CSMD1: variants seen among roughly 807,000 people sequenced by gnomAD.
CSMD1 encodes the protein CUB and sushi domain-containing protein 1.
CSMD1 carries 213 observed loss-of-function variants against 417.5 expected under a neutral mutation model. The observed-to-expected ratio is 0.51, with a 90% CI of 0.46 to 0.57. CSMD1 has a LOEUF of 0.57. Among genes scored for constraint, CSMD1 ranks in the 20% least tolerant of loss-of-function variants. CSMD1 has a pLI of 0.00. For missense variants in CSMD1, 6,923 were observed against 4,529.7 expected, an observed-to-expected ratio of 1.53 and a Z score of -15.17; for synonymous variants, 2,862 against 1,736.8, an observed-to-expected ratio of 1.65 and a Z score of -16.11.
At chr8:3,317,424 C>G (rs1020890392) in intron 23 of CSMD1, among the ~76,000 whole-genome samples, 1 of 152,190 alleles carries the variant, frequency 6.6e-6, no homozygotes, top group Non-Finnish European at 1.5e-5. Flanking sequence ...AACATTGACA[C>G]TCAATCACAC....
chr8:2,954,642 C>T (rs1019084794), intron 64 of CSMD1, among the ~76,000 whole-genome samples: 7 of 152,190 alleles, frequency 4.6e-5, no homozygotes, highest in Admixed American at 2.0e-4. Context: ...AGTCCCTCTT[C>T]ATTGACCAAT....
rs189668548 is a variant in CSMD1, at chr8:4,673,839, C to T, written c.86-36281G>A. Among the ~76,000 whole-genome samples the T allele has an allele frequency of 1.2e-4, 18 of 152,172 alleles. No individual in the cohort carries two copies. The East Asian group carries it at 3.3e-3, about 28-fold the overall frequency. ...CACAGAGACTAAAAGCAATTGAGTG[C>T]TTGCCAGGGACTGCCCGTGATGGAA... On this transcript the variant is annotated intron_variant, in intron 1 of 69. Coordinates refer to ENST00000635120, the MANE Select transcript of CSMD1 (RefSeq NM_033225.6).
At chr8:4,560,586 A>G (rs1255168966) in intron 2 of CSMD1, among the ~76,000 whole-genome samples, 2 of 152,226 alleles carry the variant, frequency 1.3e-5, no homozygotes, top group African/African-American at 4.8e-5. Context: ...CTGGAGCGGT[A>G]TGGCAGAGCC....
intron 41 of CSMD1, among the ~76,000 whole-genome samples, chr8:3,135,023 A>G (rs527460330): frequency 9.9e-5 from 15 of 152,250 alleles, no homozygotes; most frequent in African/African-American, 3.4e-4. Flanking sequence ...TCCCAAGCTC[A>G]GGCAGTCCTC....
intron 1 of CSMD1, among the ~76,000 whole-genome samples, chr8:4,699,750 C>A (rs1038407731): frequency 1.3e-5 from 2 of 152,282 alleles, no homozygotes; most frequent in African/African-American, 2.4e-5. Context: ...TCATGGAAAG[C>A]AGTGTTTCAT....
chr8:3,556,477 C>G (rs1799153092), intron 10 of CSMD1, among the ~76,000 whole-genome samples: 1 of 140,658 alleles, frequency 7.1e-6, no homozygotes, highest in Non-Finnish European at 1.5e-5. Flanking sequence ...AGTCCTTAAG[C>G]CAAAATTATC....
intron 7 of CSMD1, among the ~76,000 whole-genome samples, chr8:3,655,849 A>T (rs767999810): frequency 2.6e-5 from 4 of 152,164 alleles, no homozygotes; most frequent in Non-Finnish European, 5.9e-5. Flanking sequence ...TAGTTGACGG[A>T]AAACCTGTCA....
At chr8:4,478,599 A>C (rs1386143675) in intron 2 of CSMD1, among the ~76,000 whole-genome samples, 1 of 152,216 alleles carries the variant, frequency 6.6e-6, no homozygotes, top group Non-Finnish European at 1.5e-5. Flanking sequence ...AAGCAAAAGA[A>C]AGTATTATTG....
At chr8:3,268,808 G>A (rs941402167) in intron 26 of CSMD1, among the ~76,000 whole-genome samples, 2 of 152,060 alleles carry the variant, frequency 1.3e-5, no homozygotes, top group Non-Finnish European at 2.9e-5. Flanking sequence ...TATGCCCAGG[G>A]TCCTGGGGGA....
chr8:4,160,402 C>G (rs1024304436), intron 3 of CSMD1, among the ~76,000 whole-genome samples: 19 of 152,100 alleles, frequency 1.2e-4, no homozygotes, highest in African/African-American at 4.6e-4. Context: ...CATATATATA[C>G]GCAACTTTAA....
At chr8:4,766,328 G>C (rs557025663) in intron 1 of CSMD1, among the ~76,000 whole-genome samples, 2 of 152,286 alleles carry the variant, frequency 1.3e-5, no homozygotes, top group African/African-American at 4.8e-5. Flanking sequence ...TATGCATGAT[G>C]TGGGGGCCTG....
At chr8:3,687,126 C>A (rs1287900786) in intron 7 of CSMD1, among the ~76,000 whole-genome samples, 2 of 152,320 alleles carry the variant, frequency 1.3e-5, no homozygotes. Flanking sequence ...TAATTTAAAA[C>A]CAGAAATACA....
intron 1 of CSMD1, among the ~76,000 whole-genome samples, chr8:4,645,138 T>C (rs1056848976): frequency 3.9e-5 from 6 of 152,150 alleles, no homozygotes; most frequent in African/African-American, 7.2e-5. Flanking sequence ...CTCCCTGCTT[T>C]ATGGGAAGCT....
At position 4,454,587 on chromosome 8, in the gene CSMD1, A is replaced by C. The variant is rs116269744; in HGVS notation, c.303-34522T>G. Among the ~76,000 whole-genome samples, 739 of 152,338 alleles carry C rather than the reference A, an allele frequency of 4.9e-3. 3 individuals are homozygous for C. Among genetic ancestry groups the C allele is most frequent in the African/African-American group, 0.017 (718 of 41,588 alleles). On this transcript the variant is annotated intron_variant, in intron 2 of 69. Coordinates refer to ENST00000635120, the MANE Select transcript of CSMD1 (RefSeq NM_033225.6). ...AGTAGACCCAATGCAGCACTGATTTAGGGCTGGCTGGGGAAGGAGGGCATA... is the reference window on the plus strand; with the variant it reads ...AGTAGACCCAATGCAGCACTGATTTCGGGCTGGCTGGGGAAGGAGGGCATA...
At chr8:4,087,864 T>G (rs942955005) in intron 3 of CSMD1, among the ~76,000 whole-genome samples, 1 of 152,146 alleles carries the variant, frequency 6.6e-6, no homozygotes, top group African/African-American at 2.4e-5. Context: ...GTGACCTAGG[T>G]GAATTTCTAC....
intron 26 of CSMD1, among the ~76,000 whole-genome samples, chr8:3,265,850 C>G (rs181302235): frequency 1.3e-5 from 2 of 152,086 alleles, no homozygotes; most frequent in East Asian, 3.9e-4. Context: ...GATGCAGTAG[C>G]TCAGGTGGGG....
intron 5 of CSMD1, among the ~76,000 whole-genome samples, chr8:3,789,512 A>T (rs1220401329): frequency 1.3e-5 from 2 of 148,796 alleles, no homozygotes; most frequent in Non-Finnish European, 3.0e-5. Context: ...AAATGCTACC[A>T]TTCAGGTTTT....
chr8:3,178,192 C>T (rs1032631043), intron 37 of CSMD1, among the ~76,000 whole-genome samples: 5 of 152,038 alleles, frequency 3.3e-5, no homozygotes, highest in Non-Finnish European at 7.4e-5. Context: ...TATTTTACAG[C>T]CCATCTTTCA....
intron 1 of CSMD1, among the ~76,000 whole-genome samples, chr8:4,864,897 A>ACACACAG (rs1554505482): frequency 2.0e-5 from 1 of 50,402 alleles, no homozygotes; most frequent in Admixed American, 2.2e-4. Flanking sequence ...CACACACACA[A>ACACACAG]ACACACACAC....
Sources: allele counts gnomAD v4.1 joint callset (sites outside exome capture counted in the v4.1 genomes callset), GRCh38; gene constraint gnomAD v4.1.1; transcripts MANE v1.5; gene names NCBI Gene and HGNC (gene_info 2026-07-23, HGNC 2026-07-21).